PID1: variants seen among roughly 807,000 people sequenced by gnomAD.
PID1 encodes phosphotyrosine interaction domain containing 1.
Under a neutral mutation model 19.1 loss-of-function variants are expected in PID1, and 10 were observed. The observed-to-expected ratio is 0.52, with a 90% CI of 0.32 to 0.89. The LOEUF (loss-of-function observed/expected upper bound fraction) is 0.89. PID1 is among the 40% of genes least tolerant of loss of function. PID1 has a pLI of 0.03. For missense variants in PID1, 248 were observed against 285.3 expected (o/e 0.87, Z 0.94); for synonymous variants, 130 against 116.0 (o/e 1.12, Z -0.78).
At chr2:229,047,389 G>A (rs1693905290) in intron 2 of PID1, among the ~76,000 whole-genome samples, 1 of 152,086 alleles carries the variant, frequency 6.6e-6, no homozygotes, top group Non-Finnish European at 1.5e-5. Flanking sequence ...TGGTCCCACA[G>A]TAAGATTGAA....
chr2:229,209,733 T>C (rs1691686115), intron 1 of PID1, among the ~76,000 whole-genome samples: 1 of 152,230 alleles, frequency 6.6e-6, no homozygotes, highest in Non-Finnish European at 1.5e-5. Flanking sequence ...ATGCCCTTAC[T>C]TCAAATGTAA....
intron 1 of PID1, among the ~76,000 whole-genome samples, chr2:229,260,297 AC>A (rs1434279527): frequency 6.6e-6 from 1 of 151,950 alleles, no homozygotes; most frequent in Non-Finnish European, 1.5e-5. Context: ...CATGAACACA[AC>A]CTAAATACTC....
chr2:229,269,071 T>C (rs536319146), intron 1 of PID1, among the ~76,000 whole-genome samples: 12 of 152,264 alleles, frequency 7.9e-5, no homozygotes, highest in African/African-American at 2.6e-4. Context: ...AGGCTTGAGA[T>C]GTATGTACTT....
intron 2 of PID1, among the ~76,000 whole-genome samples, chr2:229,115,419 A>G (rs1418766589): frequency 6.8e-6 from 1 of 146,336 alleles, no homozygotes; most frequent in African/African-American, 2.5e-5. Context: ...AAAAAAAAAG[A>G]AGAGAAGAGA....
intron 1 of PID1, among the ~76,000 whole-genome samples, chr2:229,187,685 T>G (rs564834373): frequency 6.6e-6 from 1 of 152,270 alleles, no homozygotes; most frequent in East Asian, 1.9e-4. Context: ...TATGTTTTCC[T>G]CTCTCCAGGA....
chr2:229,257,233 T>G (rs146659584), intron 1 of PID1, among the ~76,000 whole-genome samples: 1 of 152,332 alleles, frequency 6.6e-6, no homozygotes, highest in Non-Finnish European at 1.5e-5. Context: ...CTCCAAGTAA[T>G]AATGTATTAG....
chr2:229,226,659 G>T (rs1202524628), intron 1 of PID1, among the ~76,000 whole-genome samples: 2 of 152,120 alleles, frequency 1.3e-5, no homozygotes, highest in Non-Finnish European at 2.9e-5. Context: ...AAGTGTACGA[G>T]GAAATCAGAG....
chr2:229,136,262 A>C (rs1460370459), intron 2 of PID1, among the ~76,000 whole-genome samples: 3 of 152,200 alleles, frequency 2.0e-5, no homozygotes, highest in Non-Finnish European at 2.9e-5. Context: ...GAACGAGGTT[A>C]GAAATGGAGT....
chr2:229,172,680 A>T (rs1324676278), intron 1 of PID1, among the ~76,000 whole-genome samples: 1 of 152,170 alleles, frequency 6.6e-6, no homozygotes, highest in Admixed American at 6.5e-5. Flanking sequence ...AAATAAGATC[A>T]TATTGTGAGG....
intron 1 of PID1, among the ~76,000 whole-genome samples, chr2:229,211,587 C>T (rs1435072388): frequency 6.6e-6 from 1 of 152,152 alleles, no homozygotes; most frequent in East Asian, 1.9e-4. Flanking sequence ...AATGTATATA[C>T]TCTGCCATTA....
intron 1 of PID1, among the ~76,000 whole-genome samples, chr2:229,259,793 G>C (rs1345067612): frequency 5.9e-5 from 9 of 152,124 alleles, no homozygotes; most frequent in Admixed American, 5.9e-4. Flanking sequence ...CTTTGGGGAG[G>C]TCATAGGAGT....
chr2:229,030,809 A>G (rs1361355590), intron 2 of PID1, among the ~76,000 whole-genome samples: 2 of 152,198 alleles, frequency 1.3e-5, no homozygotes, highest in Admixed American at 1.3e-4. Flanking sequence ...TGAAAGAAAT[A>G]AGGTTGTATT....
At chr2:229,069,143 T>TTGTGTGTG (rs61118908) in intron 2 of PID1, among the ~76,000 whole-genome samples, 14,469 of 140,514 alleles carry the variant, frequency 0.1, 1,007 homozygotes, top group Admixed American at 0.21. Flanking sequence ...AGAAGGGTTT[T>TTGTGTGTG]TGTGTGTGTG....
At chr2:229,057,469 A>AC (rs200473798) in intron 2 of PID1, among the ~76,000 whole-genome samples, 2 of 151,738 alleles carry the variant, frequency 1.3e-5, no homozygotes, top group Non-Finnish European at 2.9e-5. Flanking sequence ...AAAAAAAAAA[A>AC]AACCTACTAA....
At chr2:229,174,564 C>A (rs139308266) in intron 1 of PID1, among the ~76,000 whole-genome samples, 11 of 151,962 alleles carry the variant, frequency 7.2e-5, no homozygotes, top group African/African-American at 9.7e-5. Flanking sequence ...TTATCACCCC[C>A]CAATGGGCCT....
At chr2:229,141,700 C>T (rs1170840630) in intron 2 of PID1, among the ~76,000 whole-genome samples, 1 of 152,058 alleles carries the variant, frequency 6.6e-6, no homozygotes, top group African/African-American at 2.4e-5. Flanking sequence ...TCCTGGCTCC[C>T]AGGATGATGA....
intron 1 of PID1, among the ~76,000 whole-genome samples, chr2:229,167,201 T>C (rs547982462): frequency 9.2e-5 from 14 of 152,148 alleles, no homozygotes; most frequent in Non-Finnish European, 1.9e-4. Flanking sequence ...GCATGAATCA[T>C]TGTTTAAGGC....
intron 1 of PID1, among the ~76,000 whole-genome samples, chr2:229,233,648 C>A (rs1002914298): frequency 6.6e-6 from 1 of 152,094 alleles, no homozygotes; most frequent in Non-Finnish European, 1.5e-5. Flanking sequence ...CCCACCACCA[C>A]GCCTGACTAA....
At position 229,151,286 on chromosome 2, in the gene PID1, G is replaced by A. The variant is rs141115923; in HGVS notation, c.177+4532C>T. Among the ~76,000 whole-genome samples, 6 of 152,218 alleles carry A rather than the reference G, an allele frequency of 3.9e-5. No individual in the cohort carries two copies. In the East Asian group the frequency reaches 9.7e-4, roughly 24 times the overall value. On this transcript the variant is annotated intron_variant, in intron 2 of 2. Coordinates refer to ENST00000392055, the MANE Select transcript of PID1 (RefSeq NM_001100818.2). ...CACCCAATGGCAGTGGAATCCGGTG[G>A]GGGGGAGCACAGGCTGTGGAGTCAG...
Sources: gnomAD v4.1 joint callset for allele counts (sites outside exome capture counted in the v4.1 genomes callset) on GRCh38, gnomAD v4.1.1 for gene constraint, MANE v1.5 for transcripts, NCBI Gene and HGNC (gene_info 2026-07-23, HGNC 2026-07-21) for gene names.